RFX4: variants seen among roughly 807,000 people sequenced by gnomAD.
The protein encoded by RFX4 is transcription factor RFX4.
A neutral mutation model predicts 95.0 loss-of-function variants in RFX4; 10 were observed. The ratio of observed to expected loss-of-function variants is 0.11; its 90% CI spans 0.06 to 0.18. The LOEUF is 0.18. RFX4 is among the 10% of genes least tolerant of loss of function. RFX4 has a pLI of 1.00. For missense variants in RFX4, 640 were observed against 922.0 expected (o/e 0.69, Z 3.96); for synonymous variants, 321 against 340.7 (o/e 0.94, Z 0.64).
At chr12:106,735,392 A>G (rs1409861869) in intron 15 of RFX4, among the ~76,000 whole-genome samples, 1 of 152,172 alleles carries the variant, frequency 6.6e-6, no homozygotes, top group East Asian at 1.9e-4. Context: ...TATAAAATGG[A>G]ATAAAGACAA....
intron 4 of RFX4, among the ~76,000 whole-genome samples, chr12:106,672,608 G>A (rs1297974696): frequency 6.6e-6 from 1 of 152,180 alleles, no homozygotes; most frequent in Non-Finnish European, 1.5e-5. Context: ...TCTTGCTCCA[G>A]AAATTAAAAG....
intron 5 of RFX4, 31 bp downstream of exon 5, chr12:106,682,085 A>C (rs775524200): frequency 6.2e-7 from 1 of 1,612,320 alleles, no homozygotes; most frequent in Non-Finnish European, 8.5e-7. Flanking sequence ...CCACCTGCAG[A>C]GCGCACATCT....
chr12:106,750,801 A>G lies in RFX4; in HGVS notation c.1935+8A>G, dbSNP rs1028768645. 1.9e-6 allele frequency: 3 copies of G among 1,546,416 alleles called. No individual in the cohort carries two copies. Among genetic ancestry groups the G allele is most frequent in the Non-Finnish European group, 1.7e-6 (2 of 1,150,980 alleles). On this transcript the variant is annotated splice_region_variant and intron_variant, in intron 17 of 17. Transcript: ENST00000392842. ...CACAGGAGCTCTGCACAGGTGAGTC[A>G]GTGGTCCTGGTTTCTTGGCCAGGCC...
At chr12:106,606,359 G>A (rs1317589677) in intron 1 of RFX4, among the ~76,000 whole-genome samples, 1 of 152,158 alleles carries the variant, frequency 6.6e-6, no homozygotes, top group Admixed American at 6.5e-5. Context: ...TGGTGGTAAG[G>A]TTTGGTGGAG....
intron 4 of RFX4, among the ~76,000 whole-genome samples, chr12:106,676,812 T>G (rs1399174032): frequency 6.6e-6 from 1 of 152,224 alleles, no homozygotes; most frequent in African/African-American, 2.4e-5. Context: ...AATCATTTCA[T>G]TCCTCAAACA....
intron 15 of RFX4, among the ~76,000 whole-genome samples, chr12:106,738,423 C>G (rs1388114088): frequency 1.3e-5 from 2 of 152,132 alleles, no homozygotes; most frequent in African/African-American, 4.8e-5. Flanking sequence ...GTGAGTGTGC[C>G]TGGCTTTCTT....
intron 8 of RFX4, among the ~76,000 whole-genome samples, chr12:106,705,221 T>C (rs527316755): frequency 2.0e-5 from 3 of 152,346 alleles, no homozygotes; most frequent in African/African-American, 7.2e-5. Flanking sequence ...CTTGGCACAT[T>C]GCACTCATTA....
rs538070056 is a variant in RFX4, at chr12:106,588,851, G to T, written c.43+5488G>T. 2.3e-4 allele frequency among the ~76,000 whole-genome samples: 35 copies of T among 152,258 alleles called. No homozygotes were observed. In the South Asian group the frequency reaches 6.6e-3, roughly 29 times the overall value. On this transcript the variant is annotated intron_variant, in intron 1 of 17. Transcript: ENST00000392842. ...GCGTGGCATTATTCTGAAACATAGG[G>T]TTTTTCTTTCATTTCCAACATTTTA... is the stretch of plus-strand genomic sequence containing the variant.
chr12:106,751,721 T>C (rs2043009903), intron 17 of RFX4, among the ~76,000 whole-genome samples: 1 of 152,142 alleles, frequency 6.6e-6, no homozygotes, highest in African/African-American at 2.4e-5. Context: ...GTTTTTTGGC[T>C]GCACAAATGT....
chr12:106,626,103 C>T (rs1393360093), intron 2 of RFX4, among the ~76,000 whole-genome samples: 1 of 152,222 alleles, frequency 6.6e-6, no homozygotes, highest in Non-Finnish European at 1.5e-5. Context: ...ATGAGTTGTA[C>T]TTAAGACCTT....
At chr12:106,669,196 T>C (rs2041233983) in intron 4 of RFX4, among the ~76,000 whole-genome samples, 2 of 152,190 alleles carry the variant, frequency 1.3e-5, no homozygotes, top group African/African-American at 4.8e-5. Context: ...TGAGTGGTTT[T>C]CCCCAGTTCC....
intron 17 of RFX4, among the ~76,000 whole-genome samples, chr12:106,759,281 A>G (rs1029652521): frequency 6.6e-6 from 1 of 152,180 alleles, no homozygotes; most frequent in African/African-American, 2.4e-5. Context: ...CAAGGAACAC[A>G]GGTAGGACAG....
intron 1 of RFX4, among the ~76,000 whole-genome samples, chr12:106,592,511 G>A (rs1265449625): frequency 3.3e-5 from 5 of 152,140 alleles, no homozygotes; most frequent in South Asian, 2.1e-4. Flanking sequence ...CAGAGACGAC[G>A]TATGTTGCAC....
chr12:106,727,683 G>A (rs539052198), intron 13 of RFX4, among the ~76,000 whole-genome samples: 94 of 151,750 alleles, frequency 6.2e-4, no homozygotes, highest in African/African-American at 9.4e-4. Context: ...GCAATGGCAC[G>A]ACCTCAGCTC....
intron 1 of RFX4, among the ~76,000 whole-genome samples, chr12:106,591,452 G>A (rs915018739): frequency 6.6e-6 from 1 of 151,834 alleles, no homozygotes; most frequent in Admixed American, 6.6e-5. Flanking sequence ...ATTTTTAGTA[G>A]AGATGGGGTT....
chr12:106,635,617 G>A (rs767985357), intron 2 of RFX4, among the ~76,000 whole-genome samples: 2 of 152,104 alleles, frequency 1.3e-5, no homozygotes, highest in African/African-American at 2.4e-5. Context: ...CCGGTCCCAT[G>A]TTTTTCATAT....
intron 8 of RFX4, 82 bp downstream of exon 8, chr12:106,696,528 T>C: frequency 6.6e-7 from 1 of 1,516,678 alleles, no homozygotes. Context: ...ATTATAATCA[T>C]GCACTGTCCA....
At chr12:106,620,182 A>G (rs1380202057) in intron 2 of RFX4, among the ~76,000 whole-genome samples, 2 of 152,176 alleles carry the variant, frequency 1.3e-5, no homozygotes, top group African/African-American at 4.8e-5. Context: ...TTTTTATCCA[A>G]TGCTGGACAT....
At chr12:106,686,281 C>G (rs181207640) in intron 5 of RFX4, among the ~76,000 whole-genome samples, 1 of 152,084 alleles carries the variant, frequency 6.6e-6, no homozygotes, top group East Asian at 1.9e-4. Context: ...TGTGGTGGCA[C>G]ATGCCTGTAA....
Sources: gnomAD v4.1 joint callset for allele counts (sites outside exome capture counted in the v4.1 genomes callset) on GRCh38, gnomAD v4.1.1 for gene constraint, MANE v1.5 for transcripts, NCBI Gene and HGNC (gene_info 2026-07-23, HGNC 2026-07-21) for gene names.